The following ARRDC2 variants were observed in gnomAD, a reference collection of about 807,000 sequenced individuals.
ARRDC2 encodes arrestin domain-containing protein 2.
In ARRDC2, 39 loss-of-function variants were observed where a neutral mutation model predicts 38.9. The ratio of observed to expected loss-of-function variants is 1.00; its 90% CI spans 0.78 to 1.31. The LOEUF (loss-of-function observed/expected upper bound fraction) is 1.31, where lower values mean the gene tolerates loss of function less well. Among genes scored for constraint, ARRDC2 ranks in the 50% most tolerant of loss-of-function variants. ARRDC2 has a pLI of 0.00. For missense variants in ARRDC2, 553 were observed against 588.4 expected (o/e 0.94, Z 0.62); for synonymous variants, 300 against 261.9 (o/e 1.15, Z -1.41).
At chr19:18,002,620 T>C (rs1108004) in intron 1 of ARRDC2, among the ~76,000 whole-genome samples, 69,795 of 152,034 alleles carry the variant, frequency 0.46, 16,623 homozygotes, top group East Asian at 0.64. Context: ...GCAATAGAAG[T>C]TTTGGGCACA....
chr19:18,012,263 A>G (rs1200062641), intron 7 of ARRDC2, among the ~76,000 whole-genome samples: 3 of 151,738 alleles, frequency 2.0e-5, no homozygotes, highest in Admixed American at 2.0e-4. Flanking sequence ...CTGGCCATAA[A>G]GTATTATAGG....
chr19:18,006,451 C>G (rs1250937970), upstream of ARRDC2, among the ~76,000 whole-genome samples: 1 of 152,196 alleles, frequency 6.6e-6, no homozygotes, highest in Non-Finnish European at 1.5e-5. Context: ...ACAGCGAAAC[C>G]CCTTCTCCAC....
chr19:18,012,277 TC>T (rs1360706589), intron 7 of ARRDC2, among the ~76,000 whole-genome samples: 9 of 151,594 alleles, frequency 5.9e-5, no homozygotes, highest in Non-Finnish European at 1.3e-4. Flanking sequence ...TTATAGGTAA[TC>T]TAGAAGAGAT....
At chr19:18,002,472 G>A (rs774418272) in intron 1 of ARRDC2, among the ~76,000 whole-genome samples, 2 of 152,212 alleles carry the variant, frequency 1.3e-5, no homozygotes, top group South Asian at 2.1e-4. Context: ...GTGTGGCTGC[G>A]GGAGGGCATC....
At chr19:18,001,391 G>C (rs2145993191) in exon 1 of ARRDC2, 2 of 1,214,652 alleles carry the variant, frequency 1.6e-6, no homozygotes, top group Non-Finnish European at 2.0e-6. Flanking sequence ...GGCGGGGAGC[G>C]GCTGTGCGGC....
chr19:18,010,908 G>C (rs954598556), intron 7 of ARRDC2, among the ~76,000 whole-genome samples, 179 bp downstream of exon 7: 1 of 151,542 alleles, frequency 6.6e-6, no homozygotes, highest in Non-Finnish European at 1.5e-5. Context: ...TCGACCTCCC[G>C]GGCTCAAGCA....
upstream of ARRDC2, among the ~76,000 whole-genome samples, chr19:18,004,884 C>T (rs1053744212): frequency 3.3e-5 from 5 of 151,058 alleles, no homozygotes; most frequent in South Asian, 2.1e-4. Flanking sequence ...CCTGTAATCC[C>T]GGCTACTCGG....
intron 7 of ARRDC2, among the ~76,000 whole-genome samples, chr19:18,012,260 T>C (rs941045582): frequency 1.3e-5 from 2 of 151,324 alleles, no homozygotes; most frequent in African/African-American, 4.9e-5. Context: ...CACCTGGCCA[T>C]AAAGTATTAT....
Position 18,012,900 on chromosome 19 carries a change from A to C in ARRDC2, c.1171-13A>C, listed in dbSNP as rs1208211789. 3.1e-6 allele frequency: 5 copies of C among 1,612,650 alleles called. No homozygotes were observed. Among genetic ancestry groups the C allele is most frequent in the Non-Finnish European group, 4.2e-6 (5 of 1,179,086 alleles). ...CAGTGTTCTCTGAGGCTTAATGGGA[A>C]CATTTCTCTTAGGAGGATCCAAACC... On this transcript the variant is annotated splice_polypyrimidine_tract_variant and intron_variant, in intron 7 of 7. Transcript: ENST00000222250.
chr19:18,002,452 A>G (rs1301826357), intron 1 of ARRDC2, among the ~76,000 whole-genome samples: 1 of 152,136 alleles, frequency 6.6e-6, no homozygotes, highest in East Asian at 1.9e-4. Flanking sequence ...CCATACCCTC[A>G]CACCCTACTG....
At chr19:18,011,773 C>A (rs990758595) in intron 7 of ARRDC2, among the ~76,000 whole-genome samples, 1 of 151,458 alleles carries the variant, frequency 6.6e-6, no homozygotes, top group African/African-American at 2.4e-5. Context: ...GCAGGAGGAT[C>A]GCTTGAGCCC....
At chr19:18,004,603 C>T (rs937531722), upstream of ARRDC2, among the ~76,000 whole-genome samples, 1 of 151,476 alleles carries the variant, frequency 6.6e-6, no homozygotes, top group Non-Finnish European at 1.5e-5. Context: ...GCAGGAGAAT[C>T]GCTGGAACCC....
upstream of ARRDC2, among the ~76,000 whole-genome samples, chr19:18,006,016 A>G (rs1468557452): frequency 6.7e-6 from 1 of 148,272 alleles, no homozygotes; most frequent in East Asian, 2.0e-4. Context: ...CGCTCCCCAC[A>G]TCTCAGACGA....
Position 18,010,288 on chromosome 19 carries a change from C to T in ARRDC2, c.942C>T (p.Ser314=). The T allele has an allele frequency of 7.4e-6, 12 of 1,613,510 alleles. No homozygotes were observed. The highest frequency in any genetic ancestry group is 5.3e-5 in the African/African-American group (4 of 75,058). ...CCTTGCACCCTTTTGGCAGCCGTTC[C>T]TCCAGCGTGGGCAGCCACGCCAGCT... The part of the protein sequence containing the change: ...TIPLHPFGSR[S]SSVGSHASFL... The change falls in exon 6 of 8, where the codon TCC becomes TCT. Residue 314 remains serine, a synonymous_variant. Transcript: ENST00000222250.
At chr19:18,010,959 C>T (rs2033400137) in intron 7 of ARRDC2, among the ~76,000 whole-genome samples, 1 of 151,852 alleles carries the variant, frequency 6.6e-6, no homozygotes, top group South Asian at 2.1e-4. Flanking sequence ...GGACTACAGG[C>T]ACACGCCACC....
chr19:18,005,626 C>A (rs1347757545), upstream of ARRDC2, among the ~76,000 whole-genome samples: 1 of 148,804 alleles, frequency 6.7e-6, no homozygotes, highest in South Asian at 2.1e-4. Flanking sequence ...GGGGGCTGAC[C>A]CCCCGACCTC....
chr19:18,004,713 A>G (rs1302824402), upstream of ARRDC2, among the ~76,000 whole-genome samples: 1 of 150,412 alleles, frequency 6.6e-6, no homozygotes, highest in South Asian at 2.2e-4. Context: ...AAAAATTAAA[A>G]TTTTGGCTGG....
upstream of ARRDC2, chr19:18,008,130 C>CCCCCCA: frequency 6.4e-6 from 7 of 1,088,040 alleles, no homozygotes; most frequent in African/African-American, 1.8e-5. Context: ...CACCCCCCCC[C>CCCCCCA]GCCCTGCCGT....
exon 1 of ARRDC2, chr19:18,001,343 CGCTGGA>C: frequency 8.4e-7 from 1 of 1,194,458 alleles, no homozygotes; most frequent in Non-Finnish European, 1.0e-6. Flanking sequence ...CGCAGCTTCG[CGCTGGA>C]GCTGGCGCGG....
Sources: allele counts gnomAD v4.1 joint callset (sites outside exome capture counted in the v4.1 genomes callset), GRCh38; gene constraint gnomAD v4.1.1; transcripts MANE v1.5; gene names NCBI Gene and HGNC (gene_info 2026-07-23, HGNC 2026-07-21).